SV2C: variants seen among roughly 807,000 people sequenced by gnomAD.
SV2C encodes the protein solute carrier family 22 member B3.
In SV2C, 49 loss-of-function variants were observed where a neutral mutation model predicts 79.7. The observed-to-expected ratio is 0.61, with a 90% CI of 0.49 to 0.78. SV2C has a LOEUF of 0.78. SV2C is among the 30% of genes least tolerant of loss of function. The pLI, the probability that SV2C is intolerant of heterozygous loss-of-function variation, is 0.00. For missense variants in SV2C, 833 were observed against 912.9 expected (o/e 0.91, Z 1.13); for synonymous variants, 334 against 333.2 (o/e 1.00, Z -0.03).
chr5:76,282,259 A>G (rs1747221573), intron 4 of SV2C, among the ~76,000 whole-genome samples: 1 of 152,272 alleles, frequency 6.6e-6, no homozygotes, highest in African/African-American at 2.4e-5. Flanking sequence ...AGATTGACAT[A>G]ATAAGCAAAT....
rs181658822 is a variant in SV2C at position 76,209,838 on chromosome 5, C to T, written c.864C>T (p.Ile288=). 1.1e-5 allele frequency: 18 copies of T among 1,614,082 alleles called. No homozygotes were observed. The highest frequency in any genetic ancestry group is 2.7e-5 in the African/African-American group (2 of 74,934). Residue 288 remains isoleucine (I), a synonymous_variant, in exon 4 of 13, where the codon ATC becomes ATT. Transcript: ENST00000502798. ...GCTGGCTCTGCATGTTCTGGATGATCGGTGGCATCTACGCCTCTGCCATGG... is the reference window on the plus strand; with the variant it reads ...GCTGGCTCTGCATGTTCTGGATGATTGGTGGCATCTACGCCTCTGCCATGG... ...HLSWLCMFWM[I]GGIYASAMAW...
chr5:75,997,140 T>C, the SV2C span, among the ~76,000 whole-genome samples: 2 of 151,800 alleles, frequency 1.3e-5, no homozygotes, highest in Non-Finnish European at 2.9e-5. Flanking sequence ...ATAGCTCTTA[T>C]TATTTTGAGA....
the SV2C span, among the ~76,000 whole-genome samples, chr5:75,999,056 A>G: frequency 6.6e-6 from 1 of 152,112 alleles, no homozygotes; most frequent in South Asian, 2.1e-4. Flanking sequence ...GGTTAGTGGC[A>G]GGCAAAAAAT....
intron 2 of SV2C, among the ~76,000 whole-genome samples, chr5:76,180,271 TAATATA>T (rs1278905159): frequency 6.6e-6 from 1 of 152,206 alleles, no homozygotes; most frequent in African/African-American, 2.4e-5. Context: ...GTGCTGATAT[TAATATA>T]AAGGAGACTT....
chr5:76,143,921 T>C (rs1312923950), intron 2 of SV2C, among the ~76,000 whole-genome samples: 1 of 152,160 alleles, frequency 6.6e-6, no homozygotes, highest in African/African-American at 2.4e-5. Context: ...AACCCTAAAT[T>C]TGAAGAAGAG....
the SV2C span, among the ~76,000 whole-genome samples, chr5:75,980,669 T>C: frequency 6.6e-6 from 1 of 152,216 alleles, no homozygotes; most frequent in South Asian, 2.1e-4. Flanking sequence ...TGTCCATTCA[T>C]GTTAAAAACT....
At chr5:76,027,537 A>C in the SV2C span, among the ~76,000 whole-genome samples, 1 of 152,220 alleles carries the variant, frequency 6.6e-6, no homozygotes, top group African/African-American at 2.4e-5. Context: ...AAAACAGGTC[A>C]TGCTAGTCTT....
At chr5:76,020,860 A>G in the SV2C span, among the ~76,000 whole-genome samples, 12 of 152,308 alleles carry the variant, frequency 7.9e-5, no homozygotes, top group African/African-American at 2.9e-4. Context: ...AAGGCAGAAG[A>G]TTCTGACACA....
At chr5:76,105,852 A>G (rs1051852784) in intron 1 of SV2C, among the ~76,000 whole-genome samples, 8 of 151,618 alleles carry the variant, frequency 5.3e-5, no homozygotes, top group African/African-American at 1.7e-4. Flanking sequence ...TCTTCTCCCC[A>G]ATCTCTTAGC....
intron 1 of SV2C, among the ~76,000 whole-genome samples, chr5:76,110,954 C>T (rs1178893086): frequency 1.3e-5 from 2 of 152,134 alleles, no homozygotes; most frequent in Middle Eastern, 3.2e-3. Flanking sequence ...CTGGGCCAGT[C>T]GCAATGCATC....
chr5:76,235,826 C>T (rs57279777), intron 4 of SV2C, among the ~76,000 whole-genome samples: 48,274 of 151,822 alleles, frequency 0.32, 8,168 homozygotes, highest in Non-Finnish European at 0.37. Flanking sequence ...TCATTAATTG[C>T]GTCTCCTACA....
At chr5:76,260,694 T>C (rs1383647281) in intron 4 of SV2C, among the ~76,000 whole-genome samples, 3 of 152,212 alleles carry the variant, frequency 2.0e-5, no homozygotes, top group African/African-American at 4.8e-5. Flanking sequence ...ATTTATTAAA[T>C]AGGGAATCCT....
the SV2C span, among the ~76,000 whole-genome samples, chr5:75,989,202 A>C: frequency 6.6e-6 from 1 of 151,896 alleles, no homozygotes. Flanking sequence ...GGTCTGTTAC[A>C]TAAGTAAACG....
At chr5:76,051,350 T>C in the SV2C span, among the ~76,000 whole-genome samples, 1 of 152,302 alleles carries the variant, frequency 6.6e-6, no homozygotes, top group African/African-American at 2.4e-5. Flanking sequence ...ATTAGTATAT[T>C]CTTGGATTTA....
chr5:76,073,503 G>GTATGTGTATATATATATATA, the SV2C span, among the ~76,000 whole-genome samples: 1 of 67,448 alleles, frequency 1.5e-5, no homozygotes, highest in African/African-American at 6.6e-5. Flanking sequence ...GTATGTGTGT[G>GTATGTGTATATATATATATA]TATATATATA....
intron 2 of SV2C, among the ~76,000 whole-genome samples, chr5:76,167,025 G>T (rs1299933086): frequency 6.6e-6 from 1 of 152,160 alleles, no homozygotes; most frequent in African/African-American, 2.4e-5. Flanking sequence ...TTTGCATCAT[G>T]GTTGAGCCCC....
At chr5:76,000,520 C>T in the SV2C span, among the ~76,000 whole-genome samples, 1 of 152,328 alleles carries the variant, frequency 6.6e-6, no homozygotes, top group East Asian at 1.9e-4. Flanking sequence ...TTAACAAGCT[C>T]CCCATGATTC....
intron 8 of SV2C, among the ~76,000 whole-genome samples, chr5:76,292,374 C>G (rs1164398970): frequency 6.6e-6 from 1 of 152,178 alleles, no homozygotes; most frequent in African/African-American, 2.4e-5. Flanking sequence ...CTACTTTACC[C>G]CACAGCACTT....
the SV2C span, among the ~76,000 whole-genome samples, chr5:76,046,827 G>A: frequency 6.6e-6 from 1 of 152,222 alleles, no homozygotes; most frequent in South Asian, 2.1e-4. Context: ...TCTTAGGGGA[G>A]GTCGCAGTAT....
Sources: allele counts gnomAD v4.1 joint callset (sites outside exome capture counted in the v4.1 genomes callset), GRCh38; gene constraint gnomAD v4.1.1; transcripts MANE v1.5; gene names NCBI Gene and HGNC (gene_info 2026-07-23, HGNC 2026-07-21).